The following NEK11 variants were observed in gnomAD, a reference collection of about 807,000 sequenced individuals.
The protein encoded by NEK11 is NIMA related kinase 11.
Under a neutral mutation model 80.7 loss-of-function variants are expected in NEK11, and 72 were observed. That is an observed-to-expected ratio of 0.89 (90% CI 0.74 to 1.08). The LOEUF is 1.08. Among genes scored for constraint, NEK11 ranks in the 50% least tolerant of loss-of-function variants. The probability of loss-of-function intolerance (pLI) is 0.00; values close to 1 mark genes in which losing one functional copy is unlikely to be tolerated. For synonymous variants in NEK11, 251 were observed against 260.7 expected, an observed-to-expected ratio of 0.96 and a Z score of 0.36; for missense variants, 764 against 763.6, an observed-to-expected ratio of 1.00 and a Z score of -0.01.
At chr3:131,084,785 G>A (rs998878481) in intron 4 of NEK11, among the ~76,000 whole-genome samples, 1 of 152,162 alleles carries the variant, frequency 6.6e-6, no homozygotes, top group South Asian at 2.1e-4. Context: ...CAAAAATCCT[G>A]AGGCCTGAGG....
chr3:131,231,323 C>T (rs764756532), intron 15 of NEK11, among the ~76,000 whole-genome samples: 2 of 150,506 alleles, frequency 1.3e-5, no homozygotes, highest in African/African-American at 2.4e-5. Flanking sequence ...AGCCTTCCTG[C>T]GGTCACGTAG....
At chr3:131,325,999 A>G (rs2096961515) in intron 17 of NEK11, 1 of 152,152 alleles carries the variant, frequency 6.6e-6, no homozygotes, top group Non-Finnish European at 1.5e-5. Flanking sequence ...AAACCTGCCT[A>G]CTAGTTTCTT....
intron 16 of NEK11, among the ~76,000 whole-genome samples, chr3:131,258,244 A>G (rs1253943894): frequency 1.3e-5 from 2 of 152,122 alleles, no homozygotes; most frequent in Non-Finnish European, 2.9e-5. Context: ...GTGCACCCAA[A>G]TCTCAGAAAC....
chr3:131,243,378 T>C (rs2095547244), intron 15 of NEK11, 58 bp from the exon 16 acceptor site: 9 of 1,487,000 alleles, frequency 6.1e-6, no homozygotes, highest in Non-Finnish European at 8.4e-6. Context: ...TTTTTCCATG[T>C]TATTAAGTAT....
intron 15 of NEK11, 101 bp downstream of exon 15, chr3:131,228,789 G>C: frequency 8.4e-7 from 1 of 1,189,370 alleles, no homozygotes. Context: ...TTGGGGACAT[G>C]GGGAACAGGG....
chr3:131,307,968 T>G (rs1185670858), intron 17 of NEK11, among the ~76,000 whole-genome samples: 1 of 152,252 alleles, frequency 6.6e-6, no homozygotes, highest in Non-Finnish European at 1.5e-5. Flanking sequence ...AAATGTTTGC[T>G]TCTCACTTTT....
At chr3:131,069,648 T>C (rs2072849809) in intron 3 of NEK11, among the ~76,000 whole-genome samples, 1 of 151,428 alleles carries the variant, frequency 6.6e-6, no homozygotes, top group Admixed American at 6.6e-5. Context: ...TATGCAGCCA[T>C]AAAAAATGAT....
At chr3:131,338,637 C>A (rs189615933) in intron 17 of NEK11, among the ~76,000 whole-genome samples, 1 of 152,160 alleles carries the variant, frequency 6.6e-6, no homozygotes, top group African/African-American at 2.4e-5. Flanking sequence ...GCAGCACATC[C>A]GTACAGTGAA....
chr3:131,232,239 G>C (rs1233273825), intron 15 of NEK11, among the ~76,000 whole-genome samples: 2 of 152,076 alleles, frequency 1.3e-5, no homozygotes, highest in African/African-American at 4.8e-5. Flanking sequence ...GTCATAACAG[G>C]GTTCTCCACA....
intron 14 of NEK11, among the ~76,000 whole-genome samples, chr3:131,201,993 C>T (rs2094250470): frequency 6.6e-6 from 1 of 152,190 alleles, no homozygotes; most frequent in South Asian, 2.1e-4. Flanking sequence ...CACAACCACA[C>T]CTGGCTAATT....
At chr3:131,124,458 T>A (rs1475733097) in intron 5 of NEK11, among the ~76,000 whole-genome samples, 1 of 152,116 alleles carries the variant, frequency 6.6e-6, no homozygotes, top group Non-Finnish European at 1.5e-5. Context: ...CAGTTTTGTA[T>A]CTAACTCAGC....
intron 14 of NEK11, chr3:131,174,859 A>C: frequency 6.4e-7 from 1 of 1,565,904 alleles, no homozygotes; most frequent in Non-Finnish European, 8.6e-7. Context: ...ATGACTCCCT[A>C]CCCCACCATT....
At chr3:131,331,037 T>A (rs990239499) in intron 17 of NEK11, among the ~76,000 whole-genome samples, 10 of 152,146 alleles carry the variant, frequency 6.6e-5, no homozygotes, top group African/African-American at 2.4e-4. Context: ...AAGACCAAAT[T>A]ACTTCTTACA....
intron 5 of NEK11, among the ~76,000 whole-genome samples, chr3:131,115,372 C>T (rs1001418176): frequency 6.6e-6 from 1 of 152,118 alleles, no homozygotes; most frequent in African/African-American, 2.4e-5. Context: ...TGAGCCAATT[C>T]TTCATAATAA....
Position 131,053,775 on chromosome 3 carries a change from T to TCCATTCTTTTGAAGTCTATTTAACC in NEK11, c.170+23921_170+23922insCCCATTCTTTTGAAGTCTATTTAAC, listed in dbSNP as rs1458255530. 3.3e-5 allele frequency: 5 copies of TCCATTCTTTTGAAGTCTATTTAACC among 152,210 alleles called. No individual in the cohort carries two copies. In the East Asian group the frequency reaches 9.6e-4, roughly 29 times the overall value. The allele number at this position is 152,210 out of a possible 1,614,324, so 9.4% of individuals were successfully genotyped here. ...GAAGTTGAGAGGGATCTGAGCCACTTCCATTCTTTTGAAGTCTATTTAACT... is the reference window on the plus strand; with the variant it reads ...GAAGTTGAGAGGGATCTGAGCCACTTCCATTCTTTTGAAGTCTATTTAACCCCATTCTTTTGAAGTCTATTTAACT... On this transcript the variant is annotated intron_variant, in intron 3 of 17. Coordinates refer to ENST00000383366, the MANE Select transcript of NEK11 (RefSeq NM_024800.5).
chr3:131,125,785 G>A lies in NEK11; in HGVS notation c.456-6960G>A, dbSNP rs116243545. Among the ~76,000 whole-genome samples, 454 of 152,268 alleles carry A rather than the reference G, an allele frequency of 3.0e-3. 1 individual carries two copies. The highest frequency in any genetic ancestry group is 0.01 in the African/African-American group (434 of 41,550). On this transcript the variant is annotated intron_variant, in intron 5 of 17. Transcript: ENST00000383366. The stretch of plus-strand genomic sequence containing the variant: ...AGGATAGTGTTTTAAAAACCAACAT[G>A]CATTTATTGAGCATCTCCTGTGAGT...
intron 17 of NEK11, among the ~76,000 whole-genome samples, chr3:131,328,054 T>C (rs1377492412): frequency 6.6e-6 from 1 of 152,086 alleles, no homozygotes; most frequent in South Asian, 2.1e-4. Context: ...GGGGCCAGCA[T>C]GAGAAGACTG....
chr3:131,120,601 G>T (rs560006698), intron 5 of NEK11, among the ~76,000 whole-genome samples: 90 of 152,146 alleles, frequency 5.9e-4, no homozygotes, highest in African/African-American at 2.0e-3. Flanking sequence ...TCTCCCTGTC[G>T]CTTTCAGGTA....
At chr3:131,219,185 C>T (rs1012407227) in intron 14 of NEK11, among the ~76,000 whole-genome samples, 9 of 152,076 alleles carry the variant, frequency 5.9e-5, no homozygotes, top group Non-Finnish European at 1.2e-4. Flanking sequence ...AAATGTGGCA[C>T]ATATATAACA....
Sources: allele counts gnomAD v4.1 joint callset (sites outside exome capture counted in the v4.1 genomes callset), GRCh38; gene constraint gnomAD v4.1.1; transcripts MANE v1.5; gene names NCBI Gene and HGNC (gene_info 2026-07-23, HGNC 2026-07-21).